The following NXPH1 variants were observed in gnomAD, a reference collection of about 807,000 sequenced individuals.
NXPH1 encodes neurexophilin 1.
Under a neutral mutation model 23.7 loss-of-function variants are expected in NXPH1, and 5 were observed. That is an observed-to-expected ratio of 0.21 (90% confidence interval 0.11 to 0.44). NXPH1 has a LOEUF of 0.44. Among genes scored for constraint, NXPH1 ranks in the 20% least tolerant of loss-of-function variants. The pLI is 0.99. For missense variants in NXPH1, 324 were observed against 321.6 expected, an observed-to-expected ratio of 1.01 and a Z score of -0.06; for synonymous variants, 144 against 122.2, an observed-to-expected ratio of 1.18 and a Z score of -1.18.
At chr7:8,634,195 C>G (rs762594191) in intron 2 of NXPH1, among the ~76,000 whole-genome samples, 1 of 151,962 alleles carries the variant, frequency 6.6e-6, no homozygotes, top group Non-Finnish European at 1.5e-5. Flanking sequence ...CCCGGTGGTA[C>G]GTAATTGAAT....
At chr7:8,460,286 A>T (rs189721746) in intron 2 of NXPH1, among the ~76,000 whole-genome samples, 60 of 152,218 alleles carry the variant, frequency 3.9e-4, no homozygotes, top group Non-Finnish European at 7.4e-4. Flanking sequence ...TTTTTTATTC[A>T]TTCTCCCTAA....
At chr7:8,578,619 A>G (rs982291023) in intron 2 of NXPH1, among the ~76,000 whole-genome samples, 5 of 152,232 alleles carry the variant, frequency 3.3e-5, no homozygotes, top group Admixed American at 2.6e-4. Flanking sequence ...TTGAGTAACT[A>G]CTGCAGGCTG....
intron 2 of NXPH1, among the ~76,000 whole-genome samples, chr7:8,465,366 G>A (rs1344691875): frequency 1.3e-5 from 2 of 152,174 alleles, no homozygotes; most frequent in Non-Finnish European, 2.9e-5. Flanking sequence ...AGGTGACATT[G>A]GGGATTGTGT....
intron 2 of NXPH1, among the ~76,000 whole-genome samples, chr7:8,570,710 G>A (rs547772220): frequency 6.6e-6 from 1 of 151,920 alleles, no homozygotes; most frequent in East Asian, 1.9e-4. Flanking sequence ...ATGTACAAAG[G>A]TCTGGAAGTG....
intron 2 of NXPH1, among the ~76,000 whole-genome samples, chr7:8,604,069 AAAAT>A (rs1819422460): frequency 6.6e-6 from 1 of 152,030 alleles, no homozygotes; most frequent in Non-Finnish European, 1.5e-5. Flanking sequence ...AATGAGGAAA[AAAAT>A]AAAAAAAAAA....
At chr7:8,666,836 T>C (rs887928654) in intron 2 of NXPH1, among the ~76,000 whole-genome samples, 3 of 152,190 alleles carry the variant, frequency 2.0e-5, no homozygotes, top group Non-Finnish European at 4.4e-5. Context: ...TAATAGTCTC[T>C]TATGATCTTT....
At chr7:8,724,323 C>T (rs924337943) in intron 2 of NXPH1, among the ~76,000 whole-genome samples, 1 of 152,168 alleles carries the variant, frequency 6.6e-6, no homozygotes, top group Non-Finnish European at 1.5e-5. Flanking sequence ...GAATGTTACC[C>T]GGCTCTTTGA....
intron 2 of NXPH1, among the ~76,000 whole-genome samples, chr7:8,559,157 T>C (rs1818403334): frequency 6.6e-6 from 1 of 151,552 alleles, no homozygotes; most frequent in Non-Finnish European, 1.5e-5. Context: ...AAGGTCCCAT[T>C]ATGTTGCCCA....
chr7:8,537,484 G>T (rs1252109821), intron 2 of NXPH1, among the ~76,000 whole-genome samples: 2 of 151,866 alleles, frequency 1.3e-5, no homozygotes, highest in African/African-American at 2.4e-5. Context: ...AGGGGGAAAA[G>T]CCTCTTATAA....
intron 2 of NXPH1, among the ~76,000 whole-genome samples, chr7:8,677,813 G>A (rs997271617): frequency 2.8e-5 from 3 of 108,468 alleles, no homozygotes; most frequent in Non-Finnish European, 5.5e-5. Flanking sequence ...GTTATAAATT[G>A]AAGTTTATTT....
At chr7:8,438,286 ATTTG>A (rs931848286) in intron 2 of NXPH1, among the ~76,000 whole-genome samples, 2 of 152,248 alleles carry the variant, frequency 1.3e-5, no homozygotes, top group East Asian at 1.9e-4. Flanking sequence ...TGGATTGATC[ATTTG>A]TTTGTAGCTG....
intron 2 of NXPH1, among the ~76,000 whole-genome samples, chr7:8,662,223 A>T (rs2115162802): frequency 6.6e-6 from 1 of 151,524 alleles, no homozygotes; most frequent in East Asian, 1.9e-4. Flanking sequence ...CATGTATCTC[A>T]AGAAGAGATG....
chr7:8,713,539 C>T (rs1779829032), intron 2 of NXPH1, among the ~76,000 whole-genome samples: 1 of 151,326 alleles, frequency 6.6e-6, no homozygotes, highest in South Asian at 2.1e-4. Flanking sequence ...GCATTGAAGA[C>T]TGAAATATAT....
intron 2 of NXPH1, among the ~76,000 whole-genome samples, chr7:8,750,701 A>G (rs1380169799): frequency 6.6e-6 from 1 of 152,088 alleles, no homozygotes; most frequent in Non-Finnish European, 1.5e-5. Context: ...TTTTCAGGTC[A>G]TATTTAGTAG....
intron 2 of NXPH1, among the ~76,000 whole-genome samples, chr7:8,648,125 ATCCATCCCCT>A (rs549993169): frequency 0.014 from 2,080 of 152,292 alleles, 36 homozygotes; most frequent in Non-Finnish European, 0.012. Context: ...AGAATGGGGT[ATCCATCCCCT>A]CAAGCATTTA....
chr7:8,563,443 T>G (rs1385670839), intron 2 of NXPH1, among the ~76,000 whole-genome samples: 1 of 151,720 alleles, frequency 6.6e-6, no homozygotes, highest in African/African-American at 2.4e-5. Flanking sequence ...ACAAAATTGG[T>G]GTATTCCATT....
At chr7:8,665,796 T>C (rs1583221030) in intron 2 of NXPH1, among the ~76,000 whole-genome samples, 1 of 151,914 alleles carries the variant, frequency 6.6e-6, no homozygotes, top group African/African-American at 2.4e-5. Context: ...TTTTTTTTAG[T>C]TCTTTTTTTG....
At chr7:8,656,932 T>A in intron 2 of NXPH1, among the ~76,000 whole-genome samples, 1 of 152,254 alleles carries the variant, frequency 6.6e-6, no homozygotes, top group Non-Finnish European at 1.5e-5. Flanking sequence ...GAGTTTCCCA[T>A]GAATTTACAA....
rs1045964436 is a variant in NXPH1, at chr7:8,486,179, C to A, written c.54+50412C>A. ...TTTTATCTGCTTGCAAGTAGTTTCC[C>A]TCCTTCTGAAGGAAGAACTAGACAG... is the stretch of plus-strand genomic sequence containing the variant. On this transcript the variant is annotated intron_variant, in intron 2 of 2. Coordinates refer to ENST00000405863, the MANE Select transcript of NXPH1 (RefSeq NM_152745.3). 7.9e-5 allele frequency among the ~76,000 whole-genome samples: 12 copies of A among 152,120 alleles called. No individual in the cohort carries two copies. The East Asian group carries it at 2.3e-3, about 29-fold the overall frequency.
Sources: gnomAD v4.1 joint callset for allele counts (sites outside exome capture counted in the v4.1 genomes callset) on GRCh38, gnomAD v4.1.1 for gene constraint, MANE v1.5 for transcripts, NCBI Gene and HGNC (gene_info 2026-07-23, HGNC 2026-07-21) for gene names.